The following TENM3 variants were observed in gnomAD, a reference collection of about 807,000 sequenced individuals.
TENM3 encodes the protein teneurin-3.
A neutral mutation model predicts 255.1 loss-of-function variants in TENM3; 63 were observed. The ratio of observed to expected loss-of-function variants is 0.25; its 90% confidence interval spans 0.20 to 0.30. The LOEUF (loss-of-function observed/expected upper bound fraction) is 0.30. Ranked by LOEUF, TENM3 falls within the 10% of genes least tolerant of loss-of-function variation. TENM3 has a pLI of 1.00. For synonymous variants in TENM3, 1,306 were observed against 1,322.3 expected (o/e 0.99, Z 0.27); for missense variants, 2,929 against 3,461.1 (o/e 0.85, Z 3.86).
chr4:181,472,882 G>A, the TENM3 span, among the ~76,000 whole-genome samples: 2 of 152,260 alleles, frequency 1.3e-5, no homozygotes, highest in Admixed American at 6.5e-5. Context: ...TATATCTGTT[G>A]TGAGTAGAAT....
chr4:181,511,626 A>G, the TENM3 span, among the ~76,000 whole-genome samples: 2 of 152,194 alleles, frequency 1.3e-5, no homozygotes, highest in African/African-American at 4.8e-5. Flanking sequence ...TAAAGTGTTC[A>G]TACATACATT....
chr4:182,236,587 T>TGGGAAATGTATAC (rs1456770710), intron 1 of TENM3, among the ~76,000 whole-genome samples: 3 of 152,210 alleles, frequency 2.0e-5, no homozygotes, highest in Non-Finnish European at 2.9e-5. Context: ...AATAATTTAA[T>TGGGAAATGTATAC]GGGAAATGTA....
chr4:181,579,889 T>C, the TENM3 span, among the ~76,000 whole-genome samples: 1 of 152,100 alleles, frequency 6.6e-6, no homozygotes, highest in Non-Finnish European at 1.5e-5. Flanking sequence ...ACCATCCCCA[T>C]GTTTGGGAGA....
the TENM3 span, among the ~76,000 whole-genome samples, chr4:182,127,202 G>A: frequency 1.3e-5 from 2 of 152,058 alleles, no homozygotes; most frequent in South Asian, 4.2e-4. Flanking sequence ...ATGTGCAAAG[G>A]GTTAATATTA....
chr4:182,701,378 A>G (rs1579161085), intron 12 of TENM3, among the ~76,000 whole-genome samples: 1 of 150,852 alleles, frequency 6.6e-6, no homozygotes, highest in East Asian at 2.0e-4. Flanking sequence ...CCACAACCAC[A>G]CCTGGCTAAT....
chr4:181,516,230 G>A, the TENM3 span, among the ~76,000 whole-genome samples: 3 of 152,042 alleles, frequency 2.0e-5, no homozygotes, highest in Admixed American at 6.6e-5. Context: ...GGAGGGGAGA[G>A]CATTAGGAAA....
the TENM3 span, among the ~76,000 whole-genome samples, chr4:181,690,616 A>G: frequency 6.6e-6 from 1 of 151,776 alleles, no homozygotes; most frequent in African/African-American, 2.4e-5. Flanking sequence ...AGCTTTGCTC[A>G]TTCAAACCAG....
At chr4:182,028,350 C>A in the TENM3 span, among the ~76,000 whole-genome samples, 1 of 151,994 alleles carries the variant, frequency 6.6e-6, no homozygotes, top group Non-Finnish European at 1.5e-5. Flanking sequence ...TTATTTGGAT[C>A]TTCTCTGTTT....
the TENM3 span, among the ~76,000 whole-genome samples, chr4:181,843,714 T>C: frequency 2.3e-5 from 3 of 128,444 alleles, no homozygotes; most frequent in African/African-American, 8.6e-5. Context: ...GGTAAGGGCC[T>C]TCTTTTTTTT....
chr4:181,604,988 T>TGATGG, the TENM3 span, among the ~76,000 whole-genome samples: 1 of 152,210 alleles, frequency 6.6e-6, no homozygotes, highest in Non-Finnish European at 1.5e-5. Context: ...GTTTATTAAA[T>TGATGG]GATGGCCATT....
chr4:182,125,460 A>C, the TENM3 span, among the ~76,000 whole-genome samples: 10 of 152,212 alleles, frequency 6.6e-5, no homozygotes, highest in African/African-American at 2.4e-4. Flanking sequence ...CTGGGGTCTT[A>C]AAACTTATTC....
chr4:182,339,603 G>A (rs537221300), intron 2 of TENM3, among the ~76,000 whole-genome samples: 2 of 152,064 alleles, frequency 1.3e-5, no homozygotes, highest in South Asian at 2.1e-4. Flanking sequence ...CCCCTGCCTC[G>A]GCCTTCATTG....
At chr4:181,597,680 A>T in the TENM3 span, among the ~76,000 whole-genome samples, 1 of 152,166 alleles carries the variant, frequency 6.6e-6, no homozygotes, top group Admixed American at 6.5e-5. Context: ...TTCCCTCAAT[A>T]AATCAGAGTT....
chr4:181,816,479 C>G, the TENM3 span, among the ~76,000 whole-genome samples: 1 of 152,134 alleles, frequency 6.6e-6, no homozygotes, highest in African/African-American at 2.4e-5. Context: ...ATAATAAAGC[C>G]TTCCTTTCGT....
chr4:182,773,231 A>C (rs577182433), intron 22 of TENM3, among the ~76,000 whole-genome samples: 4 of 152,328 alleles, frequency 2.6e-5, no homozygotes, highest in South Asian at 4.2e-4. Context: ...ACTTCAAAGA[A>C]TCATGTGCTG....
the TENM3 span, among the ~76,000 whole-genome samples, chr4:182,021,325 C>T: frequency 6.6e-6 from 1 of 152,076 alleles, no homozygotes; most frequent in African/African-American, 2.4e-5. Flanking sequence ...CTACTGGGCA[C>T]CTATGGTGAT....
intron 3 of TENM3, among the ~76,000 whole-genome samples, chr4:182,437,016 G>A (rs994105296): frequency 4.3e-5 from 4 of 92,548 alleles, no homozygotes; most frequent in South Asian, 5.2e-4. Context: ...CAGCAAGAAC[G>A]AAACTCCGCC....
At chr4:181,476,164 T>C in the TENM3 span, among the ~76,000 whole-genome samples, 1 of 151,902 alleles carries the variant, frequency 6.6e-6, no homozygotes, top group Non-Finnish European at 1.5e-5. Flanking sequence ...CAAAGCTCTT[T>C]TGAAGCCCCG....
At chr4:182,473,473 A>C (rs13120128) in intron 3 of TENM3, among the ~76,000 whole-genome samples, 38,408 of 152,038 alleles carry the variant, frequency 0.25, 4,979 homozygotes, top group Non-Finnish European at 0.27. Context: ...GGAGATCGAG[A>C]CCATGCTGGC....
Sources: allele counts gnomAD v4.1 joint callset (sites outside exome capture counted in the v4.1 genomes callset), GRCh38; gene constraint gnomAD v4.1.1; transcripts MANE v1.5; gene names NCBI Gene and HGNC (gene_info 2026-07-23, HGNC 2026-07-21).